The following NPHP1 variants were observed in gnomAD, a reference collection of about 807,000 sequenced individuals.
The protein encoded by NPHP1 is nephrocystin 1.
Under a neutral mutation model 90.4 loss-of-function variants are expected in NPHP1, and 70 were observed. That is an observed-to-expected ratio of 0.77 (90% CI 0.64 to 0.95). The LOEUF is 0.95. Ranked by LOEUF, NPHP1 falls within the 40% of genes least tolerant of loss-of-function variation. The pLI, the probability that NPHP1 is intolerant of heterozygous loss-of-function variation, is 0.00. For missense variants in NPHP1, 764 were observed against 795.9 expected (o/e 0.96, Z 0.48); for synonymous variants, 256 against 271.7 (o/e 0.94, Z 0.57).
chr2:110,186,461 G>C (rs944188932), intron 2 of NPHP1, among the ~76,000 whole-genome samples: 16 of 152,104 alleles, frequency 1.1e-4, no homozygotes, highest in African/African-American at 3.9e-4. Context: ...AGGAGGGAGA[G>C]GGCCAGACCA....
chr2:110,165,761 GA>G (rs920334325), intron 6 of NPHP1, among the ~76,000 whole-genome samples: 1 of 151,658 alleles, frequency 6.6e-6, no homozygotes, highest in Non-Finnish European at 1.5e-5. Flanking sequence ...AGAAATCAAT[GA>G]AAGAGTTTTT....
Position 110,150,286 on chromosome 2 carries a change from T to A in NPHP1, c.1084-30A>T, listed in dbSNP as rs770396154. On this transcript the variant is annotated intron_variant, in intron 11 of 19. Transcript: ENST00000445609. The stretch of plus-strand genomic sequence containing the variant: ...AATGAGATTTTCCCTTTTGAAATCA[T>A]GTAAAAAGCTCTTTGAAATGTCACC... The A allele has an allele frequency of 1.9e-6, 3 of 1,599,794 alleles. No individual in the cohort carries two copies. The African/African-American group carries it at 4.0e-5, about 21-fold the overall frequency.
intron 19 of NPHP1, 182 bp downstream of exon 19, chr2:110,125,440 GTATTCCTTCTCACAT>G: frequency 8.4e-7 from 1 of 1,184,316 alleles, no homozygotes; most frequent in South Asian, 1.4e-5. Flanking sequence ...TCTTGAACAA[GTATTCCTTCTCACAT>G]TAGCTAACGA....
chr2:110,192,225 T>C (rs1221365415), intron 2 of NPHP1, among the ~76,000 whole-genome samples: 5 of 152,118 alleles, frequency 3.3e-5, no homozygotes, highest in African/African-American at 1.2e-4. Flanking sequence ...AAGGAGGAAG[T>C]TCGAACCCGT....
intron 2 of NPHP1, among the ~76,000 whole-genome samples, chr2:110,193,195 A>G (rs1684876644): frequency 6.6e-6 from 1 of 152,204 alleles, no homozygotes. Context: ...TGCTCCAATT[A>G]AAAGACACAG....
In NPHP1 at chr2:110,193,998, A is replaced by G. The variant is rs887929268; in HGVS notation, c.143+7423T>C. On this transcript the variant is annotated intron_variant, in intron 2 of 19. Transcript: ENST00000445609. ...CAACATACCAGAATCTCTGGGACACATTTAAAGCTGTGTGTAGAGGGAAAT... is the reference window on the plus strand; with the variant it reads ...CAACATACCAGAATCTCTGGGACACGTTTAAAGCTGTGTGTAGAGGGAAAT... Among the ~76,000 whole-genome samples, 10 of 152,160 alleles carry G rather than the reference A, an allele frequency of 6.6e-5. No homozygotes were observed. In the East Asian group the frequency reaches 1.9e-3, roughly 29 times the overall value.
chr2:110,167,847 G>A (rs1474281598), intron 6 of NPHP1, among the ~76,000 whole-genome samples: 1 of 152,136 alleles, frequency 6.6e-6, no homozygotes, highest in Non-Finnish European at 1.5e-5. Flanking sequence ...ACACCGGTTG[G>A]TGTAGAAGAA....
chr2:110,200,619 C>T (rs182105786), intron 2 of NPHP1, among the ~76,000 whole-genome samples: 315 of 152,210 alleles, frequency 2.1e-3, no homozygotes, highest in African/African-American at 7.4e-3. Context: ...AATTTAAAAA[C>T]GTAGTTTTCC....
chr2:110,201,823 C>T (rs563230892), intron 1 of NPHP1, among the ~76,000 whole-genome samples: 1 of 152,098 alleles, frequency 6.6e-6, no homozygotes, highest in Non-Finnish European at 1.5e-5. Context: ...TGCACAAATA[C>T]GAGGCATACA....
chr2:110,175,117 G>A (rs1403779770), intron 4 of NPHP1, among the ~76,000 whole-genome samples: 3 of 152,024 alleles, frequency 2.0e-5, no homozygotes, highest in East Asian at 1.9e-4. Flanking sequence ...ATTTCCCCAG[G>A]AGCAATGGTT....
chr2:110,202,718 T>C (rs1270938593), intron 1 of NPHP1, among the ~76,000 whole-genome samples: 1 of 152,112 alleles, frequency 6.6e-6, no homozygotes, highest in African/African-American at 2.4e-5. Context: ...AAAACTACAA[T>C]GAGGTACCAT....
intron 6 of NPHP1, among the ~76,000 whole-genome samples, chr2:110,167,822 C>T (rs966413004): frequency 2.0e-5 from 3 of 152,010 alleles, no homozygotes; most frequent in Admixed American, 6.6e-5. Flanking sequence ...GCATCAGAAT[C>T]GAATTGAATT....
rs531656216 is a variant in NPHP1, at chr2:110,163,024, C to A, written c.859+24G>T. On this transcript the variant is annotated intron_variant, in intron 9 of 19. Coordinates refer to ENST00000445609, the MANE Select transcript of NPHP1 (RefSeq NM_001128178.3). ...TCTTGACTGCTTTGCTGAAAGAGTGCAGTGGCTGATAGGCACGCATTACCT... is the reference window on the plus strand; with the variant it reads ...TCTTGACTGCTTTGCTGAAAGAGTGAAGTGGCTGATAGGCACGCATTACCT... 4.6e-5 allele frequency: 71 copies of A among 1,536,530 alleles called. No individual in the cohort carries two copies. The South Asian group carries it at 7.4e-4, about 16-fold the overall frequency.
At chr2:110,177,671 G>A (rs1462040381) in intron 4 of NPHP1, among the ~76,000 whole-genome samples, 6 of 151,928 alleles carry the variant, frequency 3.9e-5, no homozygotes, top group Non-Finnish European at 7.4e-5. Context: ...GTATATGTAA[G>A]TCTTCTTTAC....
At position 110,169,784 on chromosome 2, in the gene NPHP1, GTT is replaced by G. The variant is rs756017460; in HGVS notation, c.522+20_522+21del. 5 of 1,552,432 alleles carry G rather than the reference GTT, an allele frequency of 3.2e-6. No individual in the cohort carries two copies. Among genetic ancestry groups the G allele is most frequent in the Non-Finnish European group, 3.6e-6 (4 of 1,123,950 alleles). On this transcript the variant is annotated intron_variant, in intron 5 of 19. Coordinates refer to ENST00000445609, the MANE Select transcript of NPHP1 (RefSeq NM_001128178.3). ...GTATGGACATCGACCCTTAGGTTAGGTTTCAGTCTTATTCTACCTACCTTAAA... is the reference window on the plus strand; with the variant it reads ...GTATGGACATCGACCCTTAGGTTAGGTCAGTCTTATTCTACCTACCTTAAA...
At chr2:110,168,604 G>T in intron 5 of NPHP1, 51 bp from the exon 6 acceptor site, 1 of 1,197,730 alleles carries the variant, frequency 8.3e-7, no homozygotes, top group Non-Finnish European at 1.2e-6. Context: ...ATAATCATGA[G>T]TATATGTCAA....
rs1284403809 is a variant in NPHP1, at chr2:110,169,909, T to G, written c.419A>C (p.Glu140Ala). 2 of 1,609,746 alleles carry G rather than the reference T, an allele frequency of 1.2e-6. No individual in the cohort carries two copies. Among genetic ancestry groups the G allele is most frequent in the Non-Finnish European group, 1.7e-6 (2 of 1,176,200 alleles). ...AGATTCATTTTCCTCTTTCTCTTCC[T>G]CTTCCTCCTCTGCATCTTCTTCCTC... ...GGEEEDAEEE[E>A]EEKEENESHK... The change falls in exon 5 of 20, where the codon GAG becomes GCG. Residue 140 changes from glutamate to alanine, a missense_variant. By Grantham distance (107) the Glu-to-Ala change is moderately radical. Coordinates refer to ENST00000445609, the MANE Select transcript of NPHP1 (RefSeq NM_001128178.3).
At chr2:110,162,202 A>C (rs1682395215) in intron 9 of NPHP1, among the ~76,000 whole-genome samples, 1 of 152,176 alleles carries the variant, frequency 6.6e-6, no homozygotes, top group African/African-American at 2.4e-5. Flanking sequence ...TAAATCAGAG[A>C]TATGTCCCCT....
chr2:110,204,590 T>TA (rs1357612469), intron 1 of NPHP1, among the ~76,000 whole-genome samples: 4 of 152,042 alleles, frequency 2.6e-5, no homozygotes, highest in Admixed American at 6.5e-5. Context: ...TAAGGTGGGT[T>TA]AGTGAGTTGT....
Sources: allele counts gnomAD v4.1 joint callset (sites outside exome capture counted in the v4.1 genomes callset), GRCh38; gene constraint gnomAD v4.1.1; transcripts MANE v1.5; gene names NCBI Gene and HGNC (gene_info 2026-07-23, HGNC 2026-07-21).